GTF2F2: variants seen among roughly 807,000 people sequenced by gnomAD.
GTF2F2 encodes general transcription factor IIF subunit 2.
A neutral mutation model predicts 42.2 loss-of-function variants in GTF2F2; 23 were observed. The ratio of observed to expected loss-of-function variants is 0.55; its 90% CI spans 0.39 to 0.77. GTF2F2 has a LOEUF of 0.77. Among genes scored for constraint, GTF2F2 ranks in the 30% least tolerant of loss-of-function variants. The pLI, the probability that GTF2F2 is intolerant of heterozygous loss-of-function variation, is 0.00. For synonymous variants in GTF2F2, 105 were observed against 100.8 expected, an observed-to-expected ratio of 1.04 and a Z score of -0.25; for missense variants, 261 against 287.2, an observed-to-expected ratio of 0.91 and a Z score of 0.66.
chr13:45,142,517 C>G (rs902407284), intron 2 of GTF2F2, among the ~76,000 whole-genome samples: 1 of 152,122 alleles, frequency 6.6e-6, no homozygotes, highest in Non-Finnish European at 1.5e-5. Context: ...ATGCCAATAT[C>G]AGAGACAAAT....
intron 6 of GTF2F2, among the ~76,000 whole-genome samples, chr13:45,254,142 A>ACT (rs1875998044): frequency 2.6e-5 from 4 of 151,652 alleles, no homozygotes; most frequent in Admixed American, 6.6e-5. Context: ...TGAGAGAGAG[A>ACT]GAGACCACAT....
At chr13:45,155,273 A>C (rs1302207799) in intron 4 of GTF2F2, among the ~76,000 whole-genome samples, 1 of 152,194 alleles carries the variant, frequency 6.6e-6, no homozygotes, top group African/African-American at 2.4e-5. Flanking sequence ...TTTTACATTG[A>C]AATATAAATG....
intron 3 of GTF2F2, among the ~76,000 whole-genome samples, chr13:45,150,876 T>G (rs1402344055): frequency 1.3e-5 from 2 of 152,120 alleles, no homozygotes; most frequent in African/African-American, 2.4e-5. Context: ...TTTTGGAGAC[T>G]TCTTCAGCTA....
chr13:45,235,702 GC>G (rs1415827037), intron 5 of GTF2F2, among the ~76,000 whole-genome samples: 1 of 151,776 alleles, frequency 6.6e-6, no homozygotes, highest in East Asian at 1.9e-4. Context: ...TGATTCTCCT[GC>G]CTCAGCCTCC....
Position 45,284,681 on chromosome 13 carries a change from AAG to A in GTF2F2, c.*1124_*1125del, listed in dbSNP as rs1877391609. On this transcript the variant is annotated 3_prime_UTR_variant, in exon 8 of 8. Coordinates refer to ENST00000340473, the MANE Select transcript of GTF2F2 (RefSeq NM_004128.3). ...GTTGCCATAGTGTTTGCAGGAAAAA[AAG>A]AGAAAAAATAATAAAAATAAGGAAG... 1 of 152,198 alleles carries A rather than the reference AAG, an allele frequency of 6.6e-6. No individual in the cohort carries two copies. Among genetic ancestry groups the A allele is most frequent in the Admixed American group, 6.5e-5 (1 of 15,276 alleles). The allele number at this position is 152,198 out of a possible 1,614,324, so 9.4% of individuals were successfully genotyped here. A position where few individuals can be genotyped will look rare whatever the true frequency, so the allele number is the denominator to read the frequency against.
chr13:45,146,914 A>C (rs1328252218), intron 2 of GTF2F2, among the ~76,000 whole-genome samples: 1 of 152,250 alleles, frequency 6.6e-6, no homozygotes, highest in Admixed American at 6.5e-5. Context: ...GTAGAATAAC[A>C]AAAGGTTATG....
At chr13:45,206,008 A>G (rs760165687) in intron 4 of GTF2F2, among the ~76,000 whole-genome samples, 8 of 152,188 alleles carry the variant, frequency 5.3e-5, no homozygotes, top group Non-Finnish European at 1.0e-4. Flanking sequence ...AGAAAATTCA[A>G]ATTTTAATTT....
intron 6 of GTF2F2, among the ~76,000 whole-genome samples, chr13:45,256,995 T>TC (rs937035991): frequency 2.0e-5 from 3 of 152,118 alleles, no homozygotes; most frequent in Non-Finnish European, 4.4e-5. Context: ...AAAACAATGT[T>TC]CCTACATTTG....
At chr13:45,168,303 C>T (rs1182173793) in intron 4 of GTF2F2, among the ~76,000 whole-genome samples, 1 of 152,204 alleles carries the variant, frequency 6.6e-6, no homozygotes, top group Non-Finnish European at 1.5e-5. Flanking sequence ...CATCTCGGCA[C>T]CTTTGTCTGC....
chr13:45,248,994 T>C (rs1197247331), intron 5 of GTF2F2, among the ~76,000 whole-genome samples: 1 of 152,230 alleles, frequency 6.6e-6, no homozygotes, highest in Non-Finnish European at 1.5e-5. Context: ...TTTGGAAATA[T>C]GTGGTGCTTT....
rs576601026 is a variant in GTF2F2, at chr13:45,122,744, C to T, written c.66+2023C>T. On this transcript the variant is annotated intron_variant, in intron 1 of 7. Coordinates refer to ENST00000340473, the MANE Select transcript of GTF2F2 (RefSeq NM_004128.3). ...AGTACATATTGATTTCAAGTTTTTT[C>T]TCCTTACATTAATTTTCCTATTAAA... Among the ~76,000 whole-genome samples the T allele has an allele frequency of 1.5e-4, 23 of 152,262 alleles. No homozygotes were observed. The South Asian group carries it at 3.5e-3, about 23-fold the overall frequency.
chr13:45,209,358 G>T (rs1873542352), intron 5 of GTF2F2, among the ~76,000 whole-genome samples: 1 of 152,132 alleles, frequency 6.6e-6, no homozygotes, highest in Admixed American at 6.5e-5. Context: ...TATAATGTTT[G>T]CACAACAGTG....
chr13:45,212,992 T>G (rs911075606), intron 5 of GTF2F2, among the ~76,000 whole-genome samples: 1 of 152,192 alleles, frequency 6.6e-6, no homozygotes, highest in African/African-American at 2.4e-5. Flanking sequence ...TCCATCTGCC[T>G]CAGCCTCCCA....
intron 6 of GTF2F2, among the ~76,000 whole-genome samples, chr13:45,262,526 C>G (rs934960497): frequency 9.2e-5 from 14 of 152,240 alleles, no homozygotes; most frequent in Middle Eastern, 3.4e-3. Context: ...CTCCTGGGCT[C>G]AAGTGATCCT....
At chr13:45,130,048 G>A (rs1869254682) in intron 1 of GTF2F2, among the ~76,000 whole-genome samples, 1 of 152,250 alleles carries the variant, frequency 6.6e-6, no homozygotes, top group Non-Finnish European at 1.5e-5. Context: ...AGTAAGGTGA[G>A]AGGGAGAGTA....
At chr13:45,222,692 T>C (rs1370901537) in intron 5 of GTF2F2, among the ~76,000 whole-genome samples, 1 of 152,218 alleles carries the variant, frequency 6.6e-6, no homozygotes, top group Non-Finnish European at 1.5e-5. Flanking sequence ...ACCTTGAACA[T>C]CTATTATATA....
intron 7 of GTF2F2, among the ~76,000 whole-genome samples, chr13:45,274,323 C>CTTTTTTTTTTTTTTT (rs367793010): frequency 9.8e-6 from 1 of 102,428 alleles, no homozygotes; most frequent in Admixed American, 1.1e-4. Flanking sequence ...ACAAATTATA[C>CTTTTTTTTTTTTTTT]TTTTTTTTTT....
chr13:45,151,053 G>A (rs533804769), intron 3 of GTF2F2, among the ~76,000 whole-genome samples: 1 of 152,068 alleles, frequency 6.6e-6, no homozygotes, highest in South Asian at 2.1e-4. Context: ...CTGAGATTTG[G>A]GCTGATATTT....
chr13:45,272,512 G>A (rs1014072788), intron 7 of GTF2F2, among the ~76,000 whole-genome samples: 1 of 150,808 alleles, frequency 6.6e-6, no homozygotes, highest in African/African-American at 2.4e-5. Flanking sequence ...AGAGGCCAAG[G>A]TGAGAGGATT....
Sources: gnomAD v4.1 joint callset for allele counts (sites outside exome capture counted in the v4.1 genomes callset) on GRCh38, gnomAD v4.1.1 for gene constraint, MANE v1.5 for transcripts, NCBI Gene and HGNC (gene_info 2026-07-23, HGNC 2026-07-21) for gene names.